LDB3: variants seen among roughly 807,000 people sequenced by gnomAD.
LDB3 encodes the protein LIM domain binding 3.
LDB3 carries 49 observed loss-of-function variants against 69.0 expected under a neutral mutation model. The observed-to-expected ratio is 0.71, with a 90% CI of 0.56 to 0.90. The LOEUF (loss-of-function observed/expected upper bound fraction) is 0.90. LDB3 is among the 40% of genes least tolerant of loss of function. The pLI is 0.00. For synonymous variants in LDB3, 387 were observed against 396.2 expected (o/e 0.98, Z 0.28); for missense variants, 928 against 974.1 (o/e 0.95, Z 0.63).
intron 2 of LDB3, among the ~76,000 whole-genome samples, chr10:86,678,084 G>A (rs542902761): frequency 1.3e-5 from 2 of 152,310 alleles, no homozygotes; most frequent in East Asian, 1.9e-4. Context: ...CACCCAGGCT[G>A]GAGTGCAGTG....
chr10:86,720,224 C>A (rs1407307531), intron 12 of LDB3, among the ~76,000 whole-genome samples: 2 of 152,184 alleles, frequency 1.3e-5, no homozygotes, highest in African/African-American at 4.8e-5. Flanking sequence ...GCAGGCGAAT[C>A]ACCTGAGGTC....
chr10:86,720,210 C>G (rs1410639383), intron 12 of LDB3, among the ~76,000 whole-genome samples: 1 of 152,142 alleles, frequency 6.6e-6, no homozygotes, highest in Non-Finnish European at 1.5e-5. Context: ...TTTGAGAGGC[C>G]AAGGCAGGCG....
chr10:86,685,679 T>C lies in LDB3; in HGVS notation c.689+3876T>C. Reference sequence around the variant, plus strand: ...CTTCTTTGCCCTTTTCCTCCCCAGGTGGTAGTCAACTCTCCAGCCAAGTTA... The same window carrying C: ...CTTCTTTGCCCTTTTCCTCCCCAGGCGGTAGTCAACTCTCCAGCCAAGTTA... On this transcript the variant is annotated intron_variant, in intron 5 of 13. Coordinates refer to ENST00000361373, the MANE Select transcript of LDB3 (RefSeq NM_007078.3). 3.7e-6 allele frequency: 6 copies of C among 1,614,120 alleles called. No individual in the cohort carries two copies. The highest frequency in any genetic ancestry group is 3.4e-6 in the Non-Finnish European group (4 of 1,179,992).
At position 86,679,366 on chromosome 10, in the gene LDB3, G is replaced by C. The variant is rs1844981876; in HGVS notation, c.94-1G>C. 6.2e-7 allele frequency: 1 copy of C among 1,613,988 alleles called. No homozygotes were observed. Among genetic ancestry groups the C allele is most frequent in the African/African-American group, 1.3e-5 (1 of 74,888 alleles). On this transcript the variant is annotated splice_acceptor_variant, in intron 2 of 13. Coordinates refer to ENST00000361373, the MANE Select transcript of LDB3 (RefSeq NM_007078.3). LOFTEE classifies it high-confidence loss of function. ...ACCCCCCACCTCCACTATCCAATCAGATCACACCAGGCAGCAAGGCAGCCC... is the reference window on the plus strand; with the variant it reads ...ACCCCCCACCTCCACTATCCAATCACATCACACCAGGCAGCAAGGCAGCCC...
In LDB3 at chr10:86,732,852, A is replaced by G. The variant is rs566761246; in HGVS notation, c.2095-35A>G. 9.7e-6 allele frequency: 15 copies of G among 1,552,464 alleles called. No homozygotes were observed. In the African/African-American group the frequency reaches 1.8e-4, roughly 18 times the overall value. ...TTGAAATCTGCTCATGCCCTGTGCCACGTGGGTCTCACGCAGGTCTGTTCT... is the reference window on the plus strand; with the variant it reads ...TTGAAATCTGCTCATGCCCTGTGCCGCGTGGGTCTCACGCAGGTCTGTTCT... On this transcript the variant is annotated intron_variant, in intron 13 of 13. Transcript: ENST00000361373.
intron 13 of LDB3, among the ~76,000 whole-genome samples, chr10:86,728,045 G>C (rs1403337206): frequency 1.3e-5 from 2 of 152,124 alleles, no homozygotes; most frequent in Non-Finnish European, 2.9e-5. Context: ...CCTCCAAAAA[G>C]AGACAATGGT....
Position 86,718,736 on chromosome 10 carries a change from C to A in LDB3, c.1867C>A (p.His623Asn), listed in dbSNP as rs979678679. 6 of 1,614,088 alleles carry A rather than the reference C, an allele frequency of 3.7e-6. No homozygotes were observed. The highest frequency in any genetic ancestry group is 4.2e-6 in the Non-Finnish European group (5 of 1,180,042). Residue 623 changes from histidine (H) to asparagine (N), a missense_variant, in exon 12 of 14, where the codon CAT becomes AAT. By Grantham distance (68) the His-to-Asn change is moderately conservative. Transcript: ENST00000361373. ...CNTKIMGEVM[H>N]ALRQTWHTTC... ...AGGCTCTTTCCCCCAGGAAGTAATGCATGCCTTGAGACAGACATGGCACAC... is the reference window on the plus strand; with the variant it reads ...AGGCTCTTTCCCCCAGGAAGTAATGAATGCCTTGAGACAGACATGGCACAC...
At chr10:86,713,674 C>G (rs1386660260) in intron 9 of LDB3, among the ~76,000 whole-genome samples, 2 of 152,244 alleles carry the variant, frequency 1.3e-5, no homozygotes, top group Non-Finnish European at 2.9e-5. Flanking sequence ...TCTCCCTGCT[C>G]TCTGTCCCTG....
chr10:86,709,762 C>A, intron 8 of LDB3, 143 bp from the exon 9 acceptor site: 2 of 889,184 alleles, frequency 2.2e-6, no homozygotes. Flanking sequence ...GTCCTTCCTT[C>A]ACAGTTTCTG....
chr10:86,667,201 T>A (rs1294780311), upstream of LDB3, among the ~76,000 whole-genome samples: 1 of 152,138 alleles, frequency 6.6e-6, no homozygotes, highest in East Asian at 1.9e-4. Flanking sequence ...ATATGGGTGA[T>A]CCTACCTTGT....
rs534619741 is a variant in LDB3 at position 86,674,557 on chromosome 10, C to T, written c.94-4810C>T. ...TGGAGACAGGAGCTCGGTGCCCCAC[C>T]CTGAGGCCATTCTAGGCTGCACCCA... On this transcript the variant is annotated intron_variant, in intron 2 of 13. Transcript: ENST00000361373. Among the ~76,000 whole-genome samples, 112 of 152,324 alleles carry T rather than the reference C, an allele frequency of 7.4e-4. 1 individual carries two copies. The highest frequency in any genetic ancestry group is 2.6e-3 in the African/African-American group (108 of 41,578).
chr10:86,678,906 C>T (rs1844950514), intron 2 of LDB3, among the ~76,000 whole-genome samples: 1 of 152,190 alleles, frequency 6.6e-6, no homozygotes, highest in Non-Finnish European at 1.5e-5. Context: ...TCCCAAAGTG[C>T]TGGGATTATA....
chr10:86,710,492 A>G (rs1195982715), intron 9 of LDB3, among the ~76,000 whole-genome samples: 2 of 152,172 alleles, frequency 1.3e-5, no homozygotes, highest in Non-Finnish European at 2.9e-5. Context: ...CGGGAGGCTG[A>G]GGCAGGAGAA....
At position 86,733,444 on chromosome 10, in the gene LDB3, T is replaced by C. The variant is rs538340286; in HGVS notation, c.*468T>C. 4.9e-6 allele frequency: 1 copy of C among 206,012 alleles called. No homozygotes were observed. Among genetic ancestry groups the C allele is most frequent in the East Asian group, 1.3e-4 (1 of 7,550 alleles). 12.8% of individuals were successfully genotyped at this position (206,012 alleles called of 1,614,324 possible). ...TTTTAGAGTCATAGCTGAGAGCTTG[T>C]TAGCTAAGACCCATTGGGCTTTCCT... On this transcript the variant is annotated 3_prime_UTR_variant, in exon 14 of 14. Coordinates refer to ENST00000361373, the MANE Select transcript of LDB3 (RefSeq NM_007078.3).
chr10:86,722,433 TG>T (rs1460558906), intron 12 of LDB3, among the ~76,000 whole-genome samples: 1 of 151,400 alleles, frequency 6.6e-6, no homozygotes, highest in Non-Finnish European at 1.5e-5. Flanking sequence ...GCTAATTTTT[TG>T]TATTTTTGGT....
Position 86,716,392 on chromosome 10 carries a change from C to G in LDB3, c.1297C>G (p.Pro433Ala). The G allele has an allele frequency of 5.0e-6, 8 of 1,591,524 alleles. No homozygotes were observed. Among genetic ancestry groups the G allele is most frequent in the Non-Finnish European group, 6.8e-6 (8 of 1,170,832 alleles). The stretch of plus-strand genomic sequence containing the variant: ...CAGTCCCACTCCCTACACCCCCTCC[C>G]CTGCCCCTGCCTACACCCCCTCCCC... ...NYSPTPYTPS[P>A]APAYTPSPAP... Residue 433 changes from proline to alanine, a missense_variant, in exon 10 of 14, where the codon CCT becomes GCT. Coordinates refer to ENST00000361373, the MANE Select transcript of LDB3 (RefSeq NM_007078.3).
chr10:86,714,553 C>CTTTTTT (rs11306108), intron 9 of LDB3, among the ~76,000 whole-genome samples: 3 of 124,194 alleles, frequency 2.4e-5, no homozygotes, highest in Non-Finnish European at 1.7e-5. Flanking sequence ...AAGGTATTAT[C>CTTTTTT]TTTTTTTTTT....
chr10:86,670,914 C>T (rs1044047886), intron 2 of LDB3, among the ~76,000 whole-genome samples: 2 of 152,210 alleles, frequency 1.3e-5, no homozygotes, highest in Admixed American at 6.5e-5. Context: ...GGTTCAGTGC[C>T]GCTGGCAGGG....
intron 13 of LDB3, chr10:86,732,606 A>G (rs2132517080): frequency 2.1e-6 from 1 of 477,764 alleles, no homozygotes; most frequent in African/African-American, 2.0e-5. Context: ...GGTTCAAGAG[A>G]TTCTTCTGCC....
Sources: allele counts gnomAD v4.1 joint callset (sites outside exome capture counted in the v4.1 genomes callset), GRCh38; gene constraint gnomAD v4.1.1; transcripts MANE v1.5; gene names NCBI Gene and HGNC (gene_info 2026-07-23, HGNC 2026-07-21).